Variants in METTL15 observed in about 807,000 individuals in gnomAD.
The protein encoded by METTL15 is 12S rRNA N(4)-cytidine methyltransferase METTL15.
In METTL15, 34 loss-of-function variants were observed where a neutral mutation model predicts 38.3. The observed-to-expected ratio is 0.89, with a 90% CI of 0.68 to 1.18. The LOEUF (loss-of-function observed/expected upper bound fraction) is 1.18. Among genes scored for constraint, METTL15 ranks in the 50% most tolerant of loss-of-function variants. METTL15 has a pLI of 0.00. For synonymous variants in METTL15, 162 were observed against 170.9 expected (o/e 0.95, Z 0.41); for missense variants, 438 against 498.4 (o/e 0.88, Z 1.15).
chr11:28,150,020 C>T (rs2170792), intron 3 of METTL15, among the ~76,000 whole-genome samples: 2,198 of 151,918 alleles, frequency 0.014, 32 homozygotes, highest in Middle Eastern at 0.051. Flanking sequence ...CTTTGAATTT[C>T]AAATATAGGA....
At chr11:28,355,483 G>T (rs1850082913) in intron 4 of METTL15, among the ~76,000 whole-genome samples, 1 of 152,078 alleles carries the variant, frequency 6.6e-6, no homozygotes, top group Non-Finnish European at 1.5e-5. Context: ...TGAAAGAAAA[G>T]ATATATTAAT....
chr11:28,438,887 G>C (rs1320559847), intron 6 of METTL15, among the ~76,000 whole-genome samples: 3 of 151,780 alleles, frequency 2.0e-5, no homozygotes, highest in African/African-American at 7.3e-5. Flanking sequence ...ATGTTGGCCA[G>C]GCTGGTCTCG....
chr11:28,187,854 A>T (rs1851557161), intron 3 of METTL15, among the ~76,000 whole-genome samples: 1 of 151,214 alleles, frequency 6.6e-6, no homozygotes, highest in African/African-American at 2.4e-5. Context: ...AATACATTTT[A>T]TTTTTAAGAA....
chr11:28,249,680 A>G (rs1854655378), intron 4 of METTL15, among the ~76,000 whole-genome samples: 1 of 151,970 alleles, frequency 6.6e-6, no homozygotes, highest in African/African-American at 2.4e-5. Flanking sequence ...TACACAGATA[A>G]TGCTATTGTG....
At chr11:28,509,760 C>T (rs1851659059) in intron 6 of METTL15, among the ~76,000 whole-genome samples, 2 of 152,122 alleles carry the variant, frequency 1.3e-5, no homozygotes, top group Admixed American at 6.5e-5. Context: ...CTTAGACACC[C>T]CCAACCTTAT....
downstream of METTL15, among the ~76,000 whole-genome samples, chr11:28,529,110 G>A (rs1441225415): frequency 6.6e-6 from 1 of 152,160 alleles, no homozygotes; most frequent in Non-Finnish European, 1.5e-5. Flanking sequence ...CTTACGTTGA[G>A]AAGAGAAAGA....
chr11:28,357,600 G>A (rs1012591983), intron 4 of METTL15, among the ~76,000 whole-genome samples: 12 of 152,208 alleles, frequency 7.9e-5, no homozygotes, highest in African/African-American at 2.4e-4. Context: ...CTTTATAAGC[G>A]TATTCTAAGA....
At chr11:28,321,740 T>G (rs1296161605) in intron 6 of METTL15, among the ~76,000 whole-genome samples, 3 of 152,068 alleles carry the variant, frequency 2.0e-5, no homozygotes, top group African/African-American at 7.2e-5. Flanking sequence ...GAAAGATGAT[T>G]GTGGGCTGGT....
chr11:28,506,181 C>T (rs115502858), intron 6 of METTL15, among the ~76,000 whole-genome samples: 12 of 152,278 alleles, frequency 7.9e-5, no homozygotes, highest in Admixed American at 3.3e-4. Flanking sequence ...ATCCAAATGA[C>T]GTAGGGTCTC....
intron 3 of METTL15, among the ~76,000 whole-genome samples, chr11:28,173,153 C>A (rs1850921852): frequency 1.3e-5 from 2 of 151,906 alleles, no homozygotes; most frequent in African/African-American, 2.4e-5. Context: ...TTAAAAAAAA[C>A]TTGTAAAGAT....
At chr11:28,468,441 G>A (rs1851275786) in intron 6 of METTL15, among the ~76,000 whole-genome samples, 2 of 152,126 alleles carry the variant, frequency 1.3e-5, no homozygotes, top group Admixed American at 1.3e-4. Context: ...AGCAAAGCAT[G>A]TCAGGCTACC....
At chr11:28,469,720 A>G (rs1234904201) in intron 6 of METTL15, among the ~76,000 whole-genome samples, 2 of 152,158 alleles carry the variant, frequency 1.3e-5, no homozygotes, top group Non-Finnish European at 2.9e-5. Flanking sequence ...TATGTTTGCT[A>G]TAATTCCTAT....
chr11:28,398,475 T>C (rs938488584), intron 5 of METTL15, among the ~76,000 whole-genome samples: 1 of 152,156 alleles, frequency 6.6e-6, no homozygotes, highest in Non-Finnish European at 1.5e-5. Context: ...ATAGATGTCT[T>C]CTTTTGAGAA....
chr11:28,205,232 A>G (rs1364134195), intron 3 of METTL15, among the ~76,000 whole-genome samples: 4 of 151,272 alleles, frequency 2.6e-5, no homozygotes, highest in Non-Finnish European at 5.9e-5. Context: ...TATTAGGTAT[A>G]TCTCCTAATG....
chr11:28,381,575 C>T (rs975180349), intron 5 of METTL15, among the ~76,000 whole-genome samples: 1 of 151,980 alleles, frequency 6.6e-6, no homozygotes, highest in African/African-American at 2.4e-5. Flanking sequence ...TATCCTCTGA[C>T]TATATTTTCA....
chr11:28,310,048 C>T (rs1857220666), intron 6 of METTL15, among the ~76,000 whole-genome samples: 1 of 152,064 alleles, frequency 6.6e-6, no homozygotes, highest in Non-Finnish European at 1.5e-5. Context: ...TTAATAGACC[C>T]CCCCATCAAC....
At chr11:28,218,872 C>T (rs891352347) in intron 4 of METTL15, among the ~76,000 whole-genome samples, 5 of 152,112 alleles carry the variant, frequency 3.3e-5, no homozygotes, top group East Asian at 1.9e-4. Flanking sequence ...TATTGATTTG[C>T]GTATATTGAA....
chr11:28,330,164 G>A (rs1318408248), intron 6 of METTL15, among the ~76,000 whole-genome samples: 1 of 152,044 alleles, frequency 6.6e-6, no homozygotes. Flanking sequence ...TGTGCTCCTT[G>A]TTAAACTCCA....
rs796476639 is a variant in METTL15 at position 28,378,623 on chromosome 11, G to A, written c.*358+16587G>A. On this transcript the variant is annotated intron_variant and NMD_transcript_variant, in intron 5 of 7. Coordinates refer to the METTL15 transcript ENST00000532947. ...GCAGAAATCACCCTTCTTCTGCGTC[G>A]CTCAGGCTGGGAGCTGTAGACAGGA... Among the ~76,000 whole-genome samples the A allele has an allele frequency of 2.0e-4, 31 of 152,252 alleles. 1 individual carries two copies. Among genetic ancestry groups the A allele is most frequent in the African/African-American group, 6.7e-4 (28 of 41,550 alleles).
Sources: allele counts gnomAD v4.1 joint callset (sites outside exome capture counted in the v4.1 genomes callset), GRCh38; gene constraint gnomAD v4.1.1; transcripts MANE v1.5; gene names NCBI Gene and HGNC (gene_info 2026-07-23, HGNC 2026-07-21).